The following OPHN1 variants were observed in gnomAD, a reference collection of about 807,000 sequenced individuals.
The protein encoded by OPHN1 is oligophrenin 1.
A neutral mutation model predicts 60.7 loss-of-function variants in OPHN1; 11 were observed. The ratio of observed to expected loss-of-function variants is 0.18; its 90% confidence interval spans 0.11 to 0.30. The LOEUF is 0.30. Among genes scored for constraint, OPHN1 ranks in the 10% least tolerant of loss-of-function variants. The probability of loss-of-function intolerance (pLI) is 1.00; values close to 1 mark genes in which losing one functional copy is unlikely to be tolerated. For synonymous variants in OPHN1, 226 were observed against 222.6 expected (o/e 1.02, Z -0.14); for missense variants, 449 against 611.0 (o/e 0.73, Z 2.80).
At chrX:68,265,418 G>A (rs753361794) in intron 5 of OPHN1, among the ~76,000 whole-genome samples, 1 of 111,858 alleles carries the variant, frequency 8.9e-6, no homozygotes, top group Non-Finnish European at 1.9e-5. Context: ...AGGCAAACAG[G>A]GTCTGGAGTG....
chrX:68,300,967 CTTCTT>C (rs1231236002), intron 2 of OPHN1, among the ~76,000 whole-genome samples: 1 of 111,785 alleles, frequency 8.9e-6, no homozygotes, highest in African/African-American at 3.3e-5. Flanking sequence ...GTACCTATCT[CTTCTT>C]TTCTCCAGAC....
chrX:68,270,543 A>T (rs1343677879), intron 5 of OPHN1, among the ~76,000 whole-genome samples: 1 of 95,228 alleles, frequency 1.1e-5, no homozygotes, highest in African/African-American at 3.9e-5. Context: ...GAACAATGAG[A>T]ACACATGGAC....
At chrX:68,416,055 TATATATATATATAGAGAGAGAGAGAG>T (rs1187148583) in intron 2 of OPHN1, among the ~76,000 whole-genome samples, 2 of 8,789 alleles carry the variant, frequency 2.3e-4, no homozygotes, top group African/African-American at 2.9e-4. Flanking sequence ...TATATATATA[TATATATATATATAGAGAGAGAGAGAG>T]AGAGAGAGAG....
At chrX:68,106,190 CTTT>C (rs71831333) in intron 18 of OPHN1, among the ~76,000 whole-genome samples, 5 of 74,476 alleles carry the variant, frequency 6.7e-5, no homozygotes, top group Admixed American at 1.5e-4. Context: ...AAAGCTTTTC[CTTT>C]TTTTTTTTTT....
At chrX:68,209,357 A>T (rs1243289933) in intron 9 of OPHN1, among the ~76,000 whole-genome samples, 1 of 112,079 alleles carries the variant, frequency 8.9e-6, no homozygotes, top group African/African-American at 3.2e-5. Flanking sequence ...TAAGTGCTAT[A>T]AGAGCATCCA....
At chrX:68,319,475 C>T (rs1048539963) in intron 2 of OPHN1, among the ~76,000 whole-genome samples, 1 of 111,290 alleles carries the variant, frequency 9.0e-6, no homozygotes, top group Admixed American at 9.6e-5. Flanking sequence ...GTGGCTCATG[C>T]CTGTAATCCC....
At chrX:68,415,478 G>C (rs909466443) in intron 2 of OPHN1, among the ~76,000 whole-genome samples, 9 of 111,273 alleles carry the variant, frequency 8.1e-5, no homozygotes, top group African/African-American at 2.6e-4. Flanking sequence ...AATGTGCCCT[G>C]TGGTGACTTC....
chrX:68,309,264 C>T lies in OPHN1; in HGVS notation c.155-10168G>A, dbSNP rs182198864. Among the ~76,000 whole-genome samples, 6 of 111,832 alleles carry T rather than the reference C, an allele frequency of 5.4e-5. 1 individual carries two copies. The Admixed American group carries it at 5.7e-4, about 11-fold the overall frequency. ...TCCTCAAGGTCTCTTCTCTTTAACA[C>T]TCTTGAGTATATGTTTTTCCTTTTT... On this transcript the variant is annotated intron_variant, in intron 2 of 24. Coordinates refer to ENST00000355520, the MANE Select transcript of OPHN1 (RefSeq NM_002547.3).
intron 9 of OPHN1, among the ~76,000 whole-genome samples, chrX:68,208,512 A>C (rs768483750): frequency 8.9e-6 from 1 of 112,024 alleles, no homozygotes; most frequent in South Asian, 3.7e-4. Flanking sequence ...ATTTCATTAT[A>C]ATTATTGATA....
chrX:68,297,464 A>G (rs1426585349), intron 3 of OPHN1, among the ~76,000 whole-genome samples: 1 of 112,099 alleles, frequency 8.9e-6, no homozygotes, highest in Non-Finnish European at 1.9e-5. Context: ...GGAGTGAATA[A>G]GAAAATAATA....
intron 15 of OPHN1, among the ~76,000 whole-genome samples, chrX:68,162,678 C>A (rs1426248476): frequency 9.1e-6 from 1 of 110,492 alleles, no homozygotes; most frequent in Non-Finnish European, 1.9e-5. Flanking sequence ...AATGTAAATT[C>A]ACATGTCATT....
At chrX:68,364,610 G>A (rs1179755731) in intron 2 of OPHN1, among the ~76,000 whole-genome samples, 1 of 112,157 alleles carries the variant, frequency 8.9e-6, no homozygotes, top group African/African-American at 3.2e-5. Context: ...ACAGTTGAGA[G>A]AAATTCTGAG....
intron 6 of OPHN1, among the ~76,000 whole-genome samples, chrX:68,229,430 A>C (rs1239496463): frequency 8.9e-6 from 1 of 111,829 alleles, no homozygotes; most frequent in Non-Finnish European, 1.9e-5. Context: ...TTCATATGGA[A>C]CCAAAAAAGA....
intron 16 of OPHN1, 132 bp downstream of exon 16, chrX:68,119,116 A>G: frequency 4.1e-6 from 2 of 483,245 alleles, no homozygotes; most frequent in Admixed American, 3.0e-5. Context: ...TTGGCCAGAA[A>G]TCCTCTTCAC....
chrX:68,173,054 C>T (rs957905550), intron 15 of OPHN1, among the ~76,000 whole-genome samples: 9 of 110,676 alleles, frequency 8.1e-5, no homozygotes, highest in African/African-American at 3.0e-4. Context: ...AGATATGCCA[C>T]GGTGACAACC....
intron 15 of OPHN1, among the ~76,000 whole-genome samples, chrX:68,146,296 A>C (rs1310650984): frequency 9.0e-6 from 1 of 111,678 alleles, no homozygotes; most frequent in Non-Finnish European, 1.9e-5. Flanking sequence ...GTCCTTAACC[A>C]GCTTAAGTGA....
rs1205271726 is a variant in OPHN1 at position 68,322,585 on chromosome X, G to A, written c.155-23489C>T. 6.3e-5 allele frequency among the ~76,000 whole-genome samples: 7 copies of A among 111,143 alleles called. No individual in the cohort carries two copies. The South Asian group carries it at 1.5e-3, about 24-fold the overall frequency. ...GACGATCACTTGAGGCCAGGAGTTC[G>A]AGACTAGTCTGGTCAACATGATGAA... On this transcript the variant is annotated intron_variant, in intron 2 of 24. Coordinates refer to ENST00000355520, the MANE Select transcript of OPHN1 (RefSeq NM_002547.3).
At chrX:68,097,314 A>G (rs991491736) in intron 18 of OPHN1, among the ~76,000 whole-genome samples, 1 of 111,389 alleles carries the variant, frequency 9.0e-6, no homozygotes, top group East Asian at 2.8e-4. Context: ...CTAGTGGGAT[A>G]CTATTTGGAG....
At chrX:68,230,262 C>T (rs2077720977) in intron 6 of OPHN1, among the ~76,000 whole-genome samples, 1 of 111,353 alleles carries the variant, frequency 9.0e-6, no homozygotes, top group South Asian at 3.8e-4. Context: ...AGTCAGGAAA[C>T]AACAGGTGCT....
Sources: gnomAD v4.1 joint callset for allele counts (sites outside exome capture counted in the v4.1 genomes callset) on GRCh38, gnomAD v4.1.1 for gene constraint, MANE v1.5 for transcripts, NCBI Gene and HGNC (gene_info 2026-07-23, HGNC 2026-07-21) for gene names.